Variants in NUP50 observed in about 807,000 individuals in gnomAD.
NUP50 encodes the protein nuclear pore complex protein Nup50.
A neutral mutation model predicts 36.8 loss-of-function variants in NUP50; 14 were observed. The observed-to-expected ratio is 0.38, with a 90% CI of 0.25 to 0.59. NUP50 has a LOEUF of 0.59. Among genes scored for constraint, NUP50 ranks in the 20% least tolerant of loss-of-function variants. The pLI is 0.63. For missense variants in NUP50, 455 were observed against 564.6 expected, an observed-to-expected ratio of 0.81 and a Z score of 1.97; for synonymous variants, 195 against 210.8, an observed-to-expected ratio of 0.93 and a Z score of 0.65.
Position 45,182,914 on chromosome 22 carries a change from C to T in NUP50, c.1086-488C>T, listed in dbSNP as rs57393939. On this transcript the variant is annotated intron_variant, in intron 6 of 7. Transcript: ENST00000347635. ...GCTGGGATACAGGCGTGAGCCACCG[C>T]ACCTGGTCGAGGAGAATTTTTAAAA... Among the ~76,000 whole-genome samples, 1,227 of 151,514 alleles carry T rather than the reference C, an allele frequency of 8.1e-3. 13 individuals are homozygous for T. Among genetic ancestry groups the T allele is most frequent in the African/African-American group, 0.028 (1,165 of 41,296 alleles).
chr22:45,169,191 C>T (rs1414123890), intron 2 of NUP50, among the ~76,000 whole-genome samples: 4 of 152,142 alleles, frequency 2.6e-5, no homozygotes, highest in African/African-American at 7.2e-5. Flanking sequence ...CGAGAACCAC[C>T]GCACCCAACC....
At position 45,187,723 on chromosome 22, in the gene NUP50, A is replaced by T. The variant is rs997266954; in HGVS notation, c.*3068A>T. The T allele has an allele frequency of 3.9e-5, 6 of 152,428 alleles. No individual in the cohort carries two copies. The highest frequency in any genetic ancestry group is 1.4e-4 in the African/African-American group (6 of 41,568). The allele number at this position is 152,428 out of a possible 1,614,324, so 9.4% of individuals were successfully genotyped here. A position where few individuals can be genotyped will look rare whatever the true frequency, so the allele number is the denominator to read the frequency against. ...GGCAGATGACAGGGAGGTCTTTTCC[A>T]AGCAGGCACTCAGAACACAGGTCAC... On this transcript the variant is annotated 3_prime_UTR_variant, in exon 8 of 8. Coordinates refer to ENST00000347635, the MANE Select transcript of NUP50 (RefSeq NM_007172.4).
In NUP50 at chr22:45,186,105, C is replaced by CT. The variant is rs1449988961; in HGVS notation, c.*1451dup. ...TCAAATATGATGAACTCCTAAGTCA[C>CT]TGAGGTGTGATTGGGCCAATGTTGG... On this transcript the variant is annotated 3_prime_UTR_variant, in exon 8 of 8. Transcript: ENST00000347635. The CT allele has an allele frequency of 6.6e-6, 1 of 152,196 alleles. No individual in the cohort carries two copies. The highest frequency in any genetic ancestry group is 1.5e-5 in the Non-Finnish European group (1 of 68,030). 9.4% of individuals were successfully genotyped at this position (152,196 alleles called of 1,614,324 possible). A position where few individuals can be genotyped will look rare whatever the true frequency, so the allele number is the denominator to read the frequency against.
rs986550091 is a variant in NUP50, at chr22:45,185,498, C to G, written c.*843C>G. On this transcript the variant is annotated 3_prime_UTR_variant, in exon 8 of 8. Transcript: ENST00000347635. Reference sequence around the variant, plus strand: ...AATGAGACCATCCGAGAAAAAGATGCGCATAGGCATTTGTACCATGATCAA... The same window carrying G: ...AATGAGACCATCCGAGAAAAAGATGGGCATAGGCATTTGTACCATGATCAA... 1 of 151,950 alleles carries G rather than the reference C, an allele frequency of 6.6e-6. No homozygotes were observed. Among genetic ancestry groups the G allele is most frequent in the African/African-American group, 2.4e-5 (1 of 41,346 alleles). The allele number at this position is 151,950 out of a possible 1,614,324, so 9.4% of individuals were successfully genotyped here.
At chr22:45,184,041 C>T (rs143231723) in intron 7 of NUP50, 29 of 216,102 alleles carry the variant, frequency 1.3e-4, no homozygotes, top group African/African-American at 6.3e-4. Context: ...ATAACATGGT[C>T]GTGTCACTTT....
chr22:45,185,724 ATGTC>A lies in NUP50; in HGVS notation c.*1076_*1079del, dbSNP rs1463347595. On this transcript the variant is annotated 3_prime_UTR_variant, in exon 8 of 8. Coordinates refer to ENST00000347635, the MANE Select transcript of NUP50 (RefSeq NM_007172.4). ...TACTTTTTTAAGAGTAAGATTCCAT[ATGTC>A]TGTCTGGAAGGGAGCCATGGTTATT... The A allele has an allele frequency of 2.0e-5, 3 of 152,190 alleles. No homozygotes were observed. Among genetic ancestry groups the A allele is most frequent in the Non-Finnish European group, 2.9e-5 (2 of 68,030 alleles). The allele number at this position is 152,190 out of a possible 1,614,324, so 9.4% of individuals were successfully genotyped here. A position where few individuals can be genotyped will look rare whatever the true frequency, so the allele number is the denominator to read the frequency against.
At chr22:45,173,180 G>T (rs1239220999) in intron 3 of NUP50, among the ~76,000 whole-genome samples, 2 of 152,154 alleles carry the variant, frequency 1.3e-5, no homozygotes, top group East Asian at 3.8e-4. Context: ...TAGAGATTAG[G>T]TCTTGTGTTT....
intron 1 of NUP50, among the ~76,000 whole-genome samples, chr22:45,166,603 T>C (rs543881890): frequency 6.6e-6 from 1 of 152,108 alleles, no homozygotes; most frequent in South Asian, 2.1e-4. Context: ...TAATCTTAAA[T>C]AGCAAACGTG....
intron 5 of NUP50, among the ~76,000 whole-genome samples, chr22:45,179,826 A>G (rs2074337724): frequency 6.6e-6 from 1 of 152,168 alleles, no homozygotes; most frequent in Non-Finnish European, 1.5e-5. Context: ...CAAGGTTGCC[A>G]TGAGCCGTGG....
intron 2 of NUP50, among the ~76,000 whole-genome samples, chr22:45,169,242 A>C (rs939600475): frequency 3.3e-5 from 5 of 152,112 alleles, no homozygotes; most frequent in African/African-American, 1.2e-4. Flanking sequence ...TGGTGGCATG[A>C]GCCTATAGTC....
At chr22:45,181,256 C>G (rs1436721060) in intron 5 of NUP50, 30 bp from the exon 6 acceptor site, 9 of 1,489,246 alleles carry the variant, frequency 6.0e-6, no homozygotes, top group Non-Finnish European at 8.2e-6. Flanking sequence ...GGATTGGAAT[C>G]TTACTGAATT....
At chr22:45,177,022 G>T (rs556177600) in intron 4 of NUP50, among the ~76,000 whole-genome samples, 1 of 152,114 alleles carries the variant, frequency 6.6e-6, no homozygotes, top group Non-Finnish European at 1.5e-5. Flanking sequence ...TTACATCCGC[G>T]AGCCACTGTG....
rs201467253 is a variant in NUP50 at position 45,168,139 on chromosome 22, A to C, written c.-10-29A>C. 159 of 1,506,734 alleles carry C rather than the reference A, an allele frequency of 1.1e-4. No individual in the cohort carries two copies. In the African/African-American group the frequency reaches 2.0e-3, roughly 19 times the overall value. 93.3% of individuals were successfully genotyped at this position (1,506,734 alleles called of 1,614,324 possible). ...TTATAAGAATTTATTCTTCTAGAAA[A>C]ATAAACTCTTCTGTTTTCTATAACT... On this transcript the variant is annotated intron_variant, in intron 1 of 7. Coordinates refer to ENST00000347635, the MANE Select transcript of NUP50 (RefSeq NM_007172.4).
Position 45,171,794 on chromosome 22 carries a change from T to G in NUP50, c.153+111T>G, listed in dbSNP as rs1408539660. On this transcript the variant is annotated intron_variant, in intron 3 of 7. Coordinates refer to ENST00000347635, the MANE Select transcript of NUP50 (RefSeq NM_007172.4). ...TCAACAAATGCTTTCTTAAAATACT[T>G]ATTCTTTGATGTAGGTCATGGGAGA... 3.5e-6 allele frequency: 3 copies of G among 860,628 alleles called. No homozygotes were observed. In the African/African-American group the frequency reaches 5.1e-5, roughly 15 times the overall value. 53.3% of individuals were successfully genotyped at this position (860,628 alleles called of 1,614,324 possible). A position where few individuals can be genotyped will look rare whatever the true frequency, so the allele number is the denominator to read the frequency against.
At chr22:45,168,082 C>G in intron 1 of NUP50, 86 bp from the exon 2 acceptor site, 2 of 966,620 alleles carry the variant, frequency 2.1e-6, no homozygotes, top group Non-Finnish European at 1.6e-6. Flanking sequence ...GTTTTTATCT[C>G]ACTTCATGCT....
chr22:45,173,300 A>G (rs975086600), intron 3 of NUP50, among the ~76,000 whole-genome samples: 1 of 149,742 alleles, frequency 6.7e-6, no homozygotes, highest in African/African-American at 2.5e-5. Context: ...ATACATTTCT[A>G]CCTGCCTGTT....
At chr22:45,178,128 TG>T in intron 4 of NUP50, 109 bp from the exon 5 acceptor site, 4 of 946,686 alleles carry the variant, frequency 4.2e-6, no homozygotes, top group Non-Finnish European at 6.4e-6. Flanking sequence ...TGTCTTGGTG[TG>T]GGGGGAGATA....
chr22:45,178,181 C>G (rs1270513641), intron 4 of NUP50, 57 bp from the exon 5 acceptor site: 2 of 1,508,624 alleles, frequency 1.3e-6, no homozygotes, highest in Admixed American at 1.9e-5. Context: ...GCAAAAAAAT[C>G]TAGATGATTT....
Position 45,165,081 on chromosome 22 carries a change from G to C in NUP50, c.-11+785G>C, listed in dbSNP as rs1168123267. On this transcript the variant is annotated intron_variant, in intron 1 of 7. Transcript: ENST00000347635. ...TGACAAGTTGAGCTTTCCAAGGGCAGAGCTACACCAGATGCCAGAGACCAC... is the reference window on the plus strand; with the variant it reads ...TGACAAGTTGAGCTTTCCAAGGGCACAGCTACACCAGATGCCAGAGACCAC... 3 of 152,204 alleles carry C rather than the reference G, an allele frequency of 2.0e-5. No homozygotes were observed. The East Asian group carries it at 5.8e-4, about 29-fold the overall frequency. The allele number at this position is 152,204 out of a possible 1,614,324, so 9.4% of individuals were successfully genotyped here. A position where few individuals can be genotyped will look rare whatever the true frequency, so the allele number is the denominator to read the frequency against.
Sources: allele counts gnomAD v4.1 joint callset (sites outside exome capture counted in the v4.1 genomes callset), GRCh38; gene constraint gnomAD v4.1.1; transcripts MANE v1.5; gene names NCBI Gene and HGNC (gene_info 2026-07-23, HGNC 2026-07-21).